The following RYR3 variants were observed in gnomAD, a reference collection of about 807,000 sequenced individuals.
RYR3 encodes the protein ryanodine receptor 3.
A neutral mutation model predicts 584.3 loss-of-function variants in RYR3; 207 were observed. The observed-to-expected ratio is 0.35, with a 90% confidence interval of 0.32 to 0.40. The LOEUF is 0.40. Among genes scored for constraint, RYR3 ranks in the 10% least tolerant of loss-of-function variants. The pLI is 1.00. For missense variants in RYR3, 5,616 were observed against 6,089.2 expected (o/e 0.92, Z 2.59); for synonymous variants, 2,416 against 2,248.5 (o/e 1.07, Z -2.11).
chr15:33,763,407 T>G (rs1258072809), intron 60 of RYR3, among the ~76,000 whole-genome samples: 1 of 141,938 alleles, frequency 7.0e-6, no homozygotes, highest in Non-Finnish European at 1.6e-5. Context: ...ACAAGGAACT[T>G]AAATAAATTT....
intron 1 of RYR3, among the ~76,000 whole-genome samples, chr15:33,458,262 G>A (rs1463738570): frequency 1.3e-5 from 2 of 152,080 alleles, no homozygotes; most frequent in Non-Finnish European, 2.9e-5. Flanking sequence ...AATGTGAGGG[G>A]GCATCATCCC....
In RYR3 at chr15:33,854,809, G is replaced by A; in HGVS notation, c.13904G>A (p.Gly4635Asp). 2 of 1,613,722 alleles carry A rather than the reference G, an allele frequency of 1.2e-6. No homozygotes were observed. Among genetic ancestry groups the A allele is most frequent in the Non-Finnish European group, 1.7e-6 (2 of 1,179,798 alleles). Residue 4635 changes from glycine to aspartate, a missense_variant, in exon 98 of 104, where the codon GGC (glycine) becomes GAC (aspartate). Coordinates refer to ENST00000634891, the MANE Select transcript of RYR3 (RefSeq NM_001036.6). ...LAWYTTMSVL[G>D]HYNNFFFAAH... Reference sequence around the variant, plus strand: ...TGGTATACAACCATGTCAGTCCTGGGCCACTACAATAACTTCTTCTTTGCT... The same window carrying A: ...TGGTATACAACCATGTCAGTCCTGGACCACTACAATAACTTCTTCTTTGCT...
At chr15:33,586,338 G>A (rs541626863) in intron 16 of RYR3, among the ~76,000 whole-genome samples, 3 of 152,216 alleles carry the variant, frequency 2.0e-5, no homozygotes, top group African/African-American at 4.8e-5. Context: ...CTCCCCAGTC[G>A]CTGCTCATTA....
intron 77 of RYR3, among the ~76,000 whole-genome samples, chr15:33,820,354 T>C (rs1695375797): frequency 6.6e-6 from 1 of 152,220 alleles, no homozygotes; most frequent in Admixed American, 6.5e-5. Flanking sequence ...AGAGGCGCTT[T>C]AGGATTCACA....
intron 53 of RYR3, among the ~76,000 whole-genome samples, chr15:33,746,485 C>T (rs547353914): frequency 6.6e-6 from 1 of 152,260 alleles, no homozygotes; most frequent in South Asian, 2.1e-4. Context: ...AGGGAGAAGG[C>T]ACGGTGAAAT....
chr15:33,378,807 A>G (rs184261367), intron 1 of RYR3, among the ~76,000 whole-genome samples: 136 of 152,322 alleles, frequency 8.9e-4, no homozygotes, highest in African/African-American at 3.2e-3. Flanking sequence ...TCTATAAAAA[A>G]TAAGAAGATC....
chr15:33,799,572 T>C (rs920367510), intron 67 of RYR3, among the ~76,000 whole-genome samples: 1 of 152,258 alleles, frequency 6.6e-6, no homozygotes, highest in African/African-American at 2.4e-5. Flanking sequence ...CCTATGCATC[T>C]CTTTCATTTG....
chr15:33,710,336 A>G (rs559566986), intron 43 of RYR3, among the ~76,000 whole-genome samples: 3 of 110,398 alleles, frequency 2.7e-5, no homozygotes, highest in African/African-American at 3.5e-5. Flanking sequence ...GAGGTGCCAT[A>G]CACTTTTTTT....
At chr15:33,611,603 C>T (rs2060191826) in intron 18 of RYR3, among the ~76,000 whole-genome samples, 1 of 151,840 alleles carries the variant, frequency 6.6e-6, no homozygotes, top group African/African-American at 2.4e-5. Context: ...TATATAACTC[C>T]ATCAAAATAG....
chr15:33,683,415 A>G (rs1390290985), intron 38 of RYR3, among the ~76,000 whole-genome samples: 2 of 152,218 alleles, frequency 1.3e-5, no homozygotes, highest in Non-Finnish European at 2.9e-5. Context: ...TCTTCTTAAC[A>G]TCTCTAATGC....
chr15:33,374,267 G>A (rs951573019), intron 1 of RYR3, among the ~76,000 whole-genome samples: 1 of 152,132 alleles, frequency 6.6e-6, no homozygotes, highest in Non-Finnish European at 1.5e-5. Context: ...ACTGAGATGC[G>A]ACTGGCTCTA....
intron 18 of RYR3, among the ~76,000 whole-genome samples, chr15:33,604,519 A>G (rs531277427): frequency 1.3e-5 from 2 of 152,324 alleles, no homozygotes; most frequent in Non-Finnish European, 2.9e-5. Flanking sequence ...ATTTATTTGT[A>G]TACTTATTTA....
At chr15:33,619,681 T>C (rs2060618799) in intron 19 of RYR3, among the ~76,000 whole-genome samples, 1 of 152,218 alleles carries the variant, frequency 6.6e-6, no homozygotes, top group South Asian at 2.1e-4. Flanking sequence ...TTGTATTCAG[T>C]TTACAGCTTG....
intron 39 of RYR3, among the ~76,000 whole-genome samples, chr15:33,697,272 C>A (rs1244013588): frequency 6.6e-6 from 1 of 152,164 alleles, no homozygotes; most frequent in Non-Finnish European, 1.5e-5. Flanking sequence ...AGAAATCTTA[C>A]ATAAATGAAG....
intron 48 of RYR3, 75 bp from the exon 49 acceptor site, chr15:33,736,160 T>A: frequency 1.1e-6 from 1 of 946,798 alleles, no homozygotes; most frequent in Non-Finnish European, 1.6e-6. Context: ...TGCTTATTGT[T>A]CAGTGTTTCT....
chr15:33,357,369 C>T (rs192520895), intron 1 of RYR3, among the ~76,000 whole-genome samples: 99 of 152,252 alleles, frequency 6.5e-4, no homozygotes, highest in Admixed American at 6.0e-3. Flanking sequence ...AGGTGAGTCC[C>T]GGTAGGTGAG....
chr15:33,559,430 G>C (rs2057284795), intron 10 of RYR3, among the ~76,000 whole-genome samples: 1 of 152,188 alleles, frequency 6.6e-6, no homozygotes, highest in Admixed American at 6.5e-5. Flanking sequence ...GCCACACCAT[G>C]CAGGGTCACA....
At chr15:33,322,389 T>TG (rs1969090307) in intron 1 of RYR3, among the ~76,000 whole-genome samples, 1 of 151,956 alleles carries the variant, frequency 6.6e-6, no homozygotes, top group Non-Finnish European at 1.5e-5. Flanking sequence ...GCCACACACT[T>TG]TTAAACGACT....
intron 82 of RYR3, 127 bp downstream of exon 82, chr15:33,825,803 C>T (rs1209126900): frequency 5.0e-6 from 3 of 600,422 alleles, no homozygotes; most frequent in African/African-American, 3.8e-5. Context: ...CGCGATCTCA[C>T]CTCACTGCAA....
Sources: gnomAD v4.1 joint callset for allele counts (sites outside exome capture counted in the v4.1 genomes callset) on GRCh38, gnomAD v4.1.1 for gene constraint, MANE v1.5 for transcripts, NCBI Gene and HGNC (gene_info 2026-07-23, HGNC 2026-07-21) for gene names.